Variants in TPM1 observed in about 807,000 individuals in gnomAD.
TPM1 encodes tropomyosin 1.
In TPM1, 24 loss-of-function variants were observed where a neutral mutation model predicts 42.9. The ratio of observed to expected loss-of-function variants is 0.56; its 90% CI spans 0.41 to 0.79. TPM1 has a LOEUF of 0.79. Among genes scored for constraint, TPM1 ranks in the 30% least tolerant of loss-of-function variants. TPM1 has a pLI of 0.00. For synonymous variants in TPM1, 136 were observed against 130.1 expected (o/e 1.05, Z -0.31); for missense variants, 158 against 351.8 (o/e 0.45, Z 4.41).
exon 9 of TPM1, chr15:63,071,587 A>G (rs1337241403): frequency 7.5e-6 from 2 of 268,132 alleles, no homozygotes; most frequent in Admixed American, 1.0e-4. Context: ...TGTACAATGT[A>G]GAACTCTGTC....
chr15:63,046,687 T>G lies in TPM1; in HGVS notation c.240+2535T>G, dbSNP rs2032451294. The G allele has an allele frequency of 2.0e-5, 3 of 152,638 alleles. 1 individual carries two copies. Among genetic ancestry groups the G allele is most frequent in the Non-Finnish European group, 4.4e-5 (3 of 68,032 alleles). The allele number at this position is 152,638 out of a possible 1,614,324, so 9.5% of individuals were successfully genotyped here. A position where few individuals can be genotyped will look rare whatever the true frequency, so the allele number is the denominator to read the frequency against. Reference sequence around the variant, plus strand: ...TTCTGGCCCCCAATCTCTTCCCCAGTAACTGTGATATATCTGATATTTATA... The same window carrying G: ...TTCTGGCCCCCAATCTCTTCCCCAGGAACTGTGATATATCTGATATTTATA... On this transcript the variant is annotated intron_variant, in intron 2 of 9. Coordinates refer to ENST00000403994, the MANE Select transcript of TPM1 (RefSeq NM_001018005.2).
chr15:63,061,751 C>G lies in TPM1; in HGVS notation c.602C>G (p.Thr201Arg). 6.2e-7 allele frequency: 1 copy of G among 1,613,984 alleles called. No individual in the cohort carries two copies. The highest frequency in any genetic ancestry group is 8.5e-7 in the Non-Finnish European group (1 of 1,179,990). The change falls in exon 6 of 10, where the codon ACG (threonine) becomes AGG (arginine). Residue 201 changes from threonine (T) to arginine (R), a missense_variant. Thr to Arg is a moderately conservative substitution (Grantham distance 71, BLOSUM62 -1). This residue lies in a region of TPM1 where 65 missense variants were observed against 208.8 expected (regional missense o/e 0.31). Transcript: ENST00000403994. ...AELEEELKTV[T>R]NNLKSLEAQA... Reference sequence around the variant, plus strand: ...CTTGAAGAAGAATTGAAAACTGTGACGAACAACTTGAAGTCACTGGAGGCT... The same window carrying G: ...CTTGAAGAAGAATTGAAAACTGTGAGGAACAACTTGAAGTCACTGGAGGCT...
At position 63,064,826 on chromosome 15, in the gene TPM1, G is replaced by T. The variant is rs1164745303; in HGVS notation, c.851+684G>T. On this transcript the variant is annotated intron_variant, in intron 9 of 9. Transcript: ENST00000403994. ...TAAAAATACAAAAAAAATTAGCCGG[G>T]CGTGGTGGTGGATGCCTGTAGTCCC... 1.5e-5 allele frequency: 8 copies of T among 516,584 alleles called. No homozygotes were observed. In the East Asian group the frequency reaches 1.2e-3, roughly 77 times the overall value. The allele number at this position is 516,584 out of a possible 1,614,324, so 32.0% of individuals were successfully genotyped here. A position where few individuals can be genotyped will look rare whatever the true frequency, so the allele number is the denominator to read the frequency against.
At chr15:63,056,860 C>T in intron 2 of TPM1, 125 bp from the exon 3 acceptor site, 1 of 1,338,310 alleles carries the variant, frequency 7.5e-7, no homozygotes, top group South Asian at 1.2e-5. Context: ...TTGTAATGCA[C>T]TTAAAGGTAG....
At chr15:63,062,518 GTTTGTAGCTACAGGAA>G in intron 7 of TPM1, 42 bp from the exon 8 acceptor site, 1 of 1,587,218 alleles carries the variant, frequency 6.3e-7, no homozygotes, top group Non-Finnish European at 8.7e-7. Flanking sequence ...TTTTCCCTAT[GTTTGTAGCTACAGGAA>G]ACATAAAACT....
intron 8 of TPM1, chr15:63,063,187 C>T (rs1229530005): frequency 1.0e-6 from 1 of 985,164 alleles, no homozygotes; most frequent in African/African-American, 1.7e-5. Context: ...TTAGTAATAA[C>T]CACTCTATCT....
At chr15:63,067,672 G>A (rs1451729507), downstream of TPM1, among the ~76,000 whole-genome samples, 1 of 152,164 alleles carries the variant, frequency 6.6e-6, no homozygotes, top group African/African-American at 2.4e-5. Context: ...ATGTGCAAGA[G>A]GAAAACTTGA....
At position 63,064,319 on chromosome 15, in the gene TPM1, G is replaced by A. The variant is rs1029426197; in HGVS notation, c.851+177G>A. The A allele has an allele frequency of 2.7e-6, 4 of 1,503,278 alleles. No homozygotes were observed. In the African/African-American group the frequency reaches 5.5e-5, roughly 21 times the overall value. 93.1% of individuals were successfully genotyped at this position (1,503,278 alleles called of 1,614,324 possible). A position where few individuals can be genotyped will look rare whatever the true frequency, so the allele number is the denominator to read the frequency against. ...TTTCTGCTAATATAAAGGCCAATTA[G>A]ATTAAGTCTGTCTATACAAACCATT... is the stretch of plus-strand genomic sequence containing the variant. On this transcript the variant is annotated intron_variant, in intron 9 of 9. Coordinates refer to ENST00000403994, the MANE Select transcript of TPM1 (RefSeq NM_001018005.2).
intron 2 of TPM1, chr15:63,045,363 G>C (rs531758313): frequency 6.6e-6 from 1 of 152,170 alleles, no homozygotes; most frequent in Non-Finnish European, 1.5e-5. Context: ...GGGGATTTGG[G>C]GGGAAGCACT....
At chr15:63,048,421 C>A (rs765280995) in intron 2 of TPM1, 3 of 1,349,950 alleles carry the variant, frequency 2.2e-6, no homozygotes, top group Non-Finnish European at 2.8e-6. Context: ...GACTTCCGGA[C>A]TGCTCCTGGC....
chr15:63,065,987 A>T lies in TPM1; in HGVS notation c.*88A>T. 1 of 1,573,356 alleles carries T rather than the reference A, an allele frequency of 6.4e-7. No individual in the cohort carries two copies. On this transcript the variant is annotated 3_prime_UTR_variant, in exon 10 of 10. Transcript: ENST00000403994. ...TCTGCATTTGTCTATTCTCCAGCTG[A>T]CCCTGGTTCTCTCTCTTAGCATCCT...
intron 3 of TPM1, 31 bp downstream of exon 3, chr15:63,057,149 G>A (rs766369018): frequency 6.8e-6 from 11 of 1,613,256 alleles, no homozygotes; most frequent in African/African-American, 1.3e-5. Flanking sequence ...ATCTTTTGCA[G>A]CTGCCTTTCC....
chr15:63,070,495 T>C (rs1287354524), downstream of TPM1: 3 of 993,792 alleles, frequency 3.0e-6, no homozygotes, highest in African/African-American at 1.7e-5. Flanking sequence ...CTAATGGTGC[T>C]GTTGGAGTCT....
rs1395706088 is a variant in TPM1 at position 63,064,094 on chromosome 15, A to G, written c.803A>G (p.Lys268Arg). ...CTGTACGCTCAGAAACTGAAGTACAAAGCCATCAGCGAGGAGCTGGACCAC... is the reference window on the plus strand; with the variant it reads ...CTGTACGCTCAGAAACTGAAGTACAGAGCCATCAGCGAGGAGCTGGACCAC... ...DELYAQKLKY[K>R]AISEELDHAL... The change falls in exon 9 of 10, where the codon AAA becomes AGA. Residue 268 changes from lysine (K) to arginine (R), a missense_variant. Transcript: ENST00000403994. 3 of 1,614,130 alleles carry G rather than the reference A, an allele frequency of 1.9e-6. No individual in the cohort carries two copies. The highest frequency in any genetic ancestry group is 1.1e-5 in the South Asian group (1 of 91,056).
At chr15:63,066,287 A>T (rs1008755041), downstream of TPM1, 20 of 833,350 alleles carry the variant, frequency 2.4e-5, no homozygotes, top group Non-Finnish European at 2.9e-5. Context: ...TCAAAAAAAT[A>T]CCCAGGCCTG....
rs376529126 is a variant in TPM1 at position 63,061,334 on chromosome 15, A to G, written c.564-379A>G. 1.7e-5 allele frequency: 26 copies of G among 1,536,506 alleles called. No individual in the cohort carries two copies. The East Asian group carries it at 2.5e-4, about 15-fold the overall frequency. On this transcript the variant is annotated intron_variant, in intron 5 of 9. Coordinates refer to ENST00000403994, the MANE Select transcript of TPM1 (RefSeq NM_001018005.2). ...CAACCCAGACATCTTTCAGCTTCCA[A>G]TGCCTCCTGGTTCGTTTGGTATAAC... is the stretch of plus-strand genomic sequence containing the variant.
intron 1 of TPM1, chr15:63,043,368 G>C: frequency 1.0e-5 from 6 of 575,478 alleles, no homozygotes; most frequent in Middle Eastern, 2.7e-4. Flanking sequence ...GGGAGGAGAA[G>C]GGAGTCCTGG....
intron 8 of TPM1, chr15:63,063,251 A>C (rs1282712044): frequency 1.0e-6 from 1 of 985,338 alleles, no homozygotes; most frequent in Admixed American, 6.1e-5. Flanking sequence ...AGCTGTGAAC[A>C]AGAAAGAAAA....
intron 3 of TPM1, 96 bp downstream of exon 3, chr15:63,057,214 T>G: frequency 7.8e-6 from 12 of 1,545,308 alleles, no homozygotes; most frequent in Non-Finnish European, 1.1e-5. Context: ...AATTTTTCAG[T>G]CCCCTGGTGG....
Sources: gnomAD v4.1 joint callset for allele counts (sites outside exome capture counted in the v4.1 genomes callset) on GRCh38, gnomAD v4.1.1 for gene constraint, gnomAD v4.1.1 regional missense constraint, MANE v1.5 for transcripts, NCBI Gene and HGNC (gene_info 2026-07-23, HGNC 2026-07-21) for gene names.